The following FGGY variants were observed in gnomAD, a reference collection of about 807,000 sequenced individuals.
FGGY encodes FGGY carbohydrate kinase domain containing.
FGGY carries 72 observed loss-of-function variants against 71.3 expected under a neutral mutation model. The observed-to-expected ratio is 1.01, with a 90% CI of 0.84 to 1.23. FGGY has a LOEUF of 1.23. Among genes scored for constraint, FGGY ranks in the 50% most tolerant of loss-of-function variants. The pLI is 0.00. For synonymous variants in FGGY, 251 were observed against 250.3 expected (o/e 1.00, Z -0.02); for missense variants, 668 against 682.3 (o/e 0.98, Z 0.23).
At chr1:59,673,026 C>A (rs1357816614) in intron 13 of FGGY, among the ~76,000 whole-genome samples, 2 of 152,096 alleles carry the variant, frequency 1.3e-5, no homozygotes, top group Non-Finnish European at 2.9e-5. Flanking sequence ...TGACCGCTAC[C>A]CCAGAAATGT....
intron 5 of FGGY, among the ~76,000 whole-genome samples, chr1:59,447,378 G>T (rs552990605): frequency 6.6e-6 from 1 of 152,280 alleles, no homozygotes; most frequent in South Asian, 2.1e-4. Flanking sequence ...AGCAGCCAAA[G>T]CTCTGGGAGC....
At chr1:59,617,048 T>A (rs1373671034) in intron 9 of FGGY, among the ~76,000 whole-genome samples, 1 of 152,166 alleles carries the variant, frequency 6.6e-6, no homozygotes, top group East Asian at 1.9e-4. Flanking sequence ...AATACATCAT[T>A]GTCACATAGG....
intron 12 of FGGY, among the ~76,000 whole-genome samples, chr1:59,666,290 C>G (rs962171118): frequency 1.6e-4 from 24 of 152,206 alleles, no homozygotes; most frequent in Non-Finnish European, 2.9e-4. Context: ...AGACTTGCTA[C>G]CCACCAAAAA....
Position 59,403,334 on chromosome 1 carries a change from A to G in FGGY, c.554+24497A>G, listed in dbSNP as rs141594181. Among the ~76,000 whole-genome samples, 344 of 152,316 alleles carry G rather than the reference A, an allele frequency of 2.3e-3. 1 individual carries two copies. The highest frequency in any genetic ancestry group is 8.1e-3 in the African/African-American group (337 of 41,576). On this transcript the variant is annotated intron_variant, in intron 5 of 15. Coordinates refer to ENST00000303721, the MANE Select transcript of FGGY (RefSeq NM_018291.5). ...TCCAGTGTACAAATGTAGAGAACCC[A>G]TTCATTTCTTTACTCCTCACATATT...
In FGGY at chr1:59,667,395, A is replaced by T. The variant is rs1262878612; in HGVS notation, c.1409A>T (p.Asp470Val). The change falls in exon 13 of 16, where the codon GAC (aspartate) becomes GTC (valine). Residue 470 changes from aspartate (D) to valine (V), a missense_variant. Asp to Val is a radical substitution (Grantham distance 152). Transcript: ENST00000303721. The stretch of plus-strand genomic sequence containing the variant: ...CCCCTTTTTGTGCAAATGCATGCGG[A>T]CATTACTGGTAAGTCTGGGAAAGAG... ...KNPLFVQMHA[D>V]ITGMPVVLSQ... is the part of the protein sequence containing the mutation. 3 of 1,613,982 alleles carry T rather than the reference A, an allele frequency of 1.9e-6. No homozygotes were observed. Among genetic ancestry groups the T allele is most frequent in the Admixed American group, 3.3e-5 (2 of 60,006 alleles).
At chr1:59,649,225 C>G (rs1245857252) in intron 11 of FGGY, among the ~76,000 whole-genome samples, 3 of 147,312 alleles carry the variant, frequency 2.0e-5, no homozygotes, top group South Asian at 2.2e-4. Context: ...ATTGACTTGG[C>G]AATGCGGGCT....
intron 6 of FGGY, among the ~76,000 whole-genome samples, chr1:59,463,557 A>G (rs1303188629): frequency 3.9e-5 from 6 of 152,218 alleles, no homozygotes; most frequent in Non-Finnish European, 8.8e-5. Context: ...ATTAAAAGAC[A>G]CAGACTGGCA....
chr1:59,653,316 G>T (rs1011332425), intron 11 of FGGY, among the ~76,000 whole-genome samples: 1 of 152,238 alleles, frequency 6.6e-6, no homozygotes. Context: ...GTTTACCTAA[G>T]CAAGCCTGGG....
At chr1:59,653,210 G>A (rs2097182778) in intron 11 of FGGY, among the ~76,000 whole-genome samples, 1 of 152,238 alleles carries the variant, frequency 6.6e-6, no homozygotes, top group South Asian at 2.1e-4. Flanking sequence ...CTTTTTGTTT[G>A]TCTGTGCCCT....
At chr1:59,603,582 T>G (rs939450948) in intron 8 of FGGY, among the ~76,000 whole-genome samples, 1 of 152,118 alleles carries the variant, frequency 6.6e-6, no homozygotes, top group African/African-American at 2.4e-5. Flanking sequence ...CATTTTGGAG[T>G]TGAGGAAACT....
At chr1:59,428,515 A>G (rs932247089) in intron 5 of FGGY, among the ~76,000 whole-genome samples, 12 of 152,204 alleles carry the variant, frequency 7.9e-5, no homozygotes, top group African/African-American at 2.9e-4. Context: ...CAGAAATCAG[A>G]AAGGTGATTG....
intron 2 of FGGY, among the ~76,000 whole-genome samples, chr1:59,321,981 C>T (rs916516066): frequency 2.0e-5 from 3 of 152,096 alleles, no homozygotes; most frequent in Admixed American, 2.0e-4. Context: ...AAGAGCTAAC[C>T]GGAGGGGGCT....
intron 14 of FGGY, among the ~76,000 whole-genome samples, chr1:59,678,853 T>G (rs923793006): frequency 1.5e-4 from 23 of 152,170 alleles, no homozygotes; most frequent in African/African-American, 5.3e-4. Flanking sequence ...CAGCAGTCAT[T>G]TTAAGGGGAG....
At chr1:59,495,241 G>A (rs1170723572) in intron 6 of FGGY, among the ~76,000 whole-genome samples, 1 of 151,880 alleles carries the variant, frequency 6.6e-6, no homozygotes, top group Non-Finnish European at 1.5e-5. Context: ...ATCCTTTGTT[G>A]GATGCATAGT....
intron 7 of FGGY, among the ~76,000 whole-genome samples, chr1:59,553,270 A>C (rs1223766664): frequency 6.6e-6 from 1 of 152,212 alleles, no homozygotes; most frequent in East Asian, 1.9e-4. Flanking sequence ...GTAGTCCTGC[A>C]AGTCTGCGTG....
rs1309595147 is a variant in FGGY, at chr1:59,438,331, G to A, written c.555-18630G>A. ...TAAAATATTCTGGCTGCTTACTTGAGAGGTAAGTATCAGTTGGGAACTTAC... is the reference window on the plus strand; with the variant it reads ...TAAAATATTCTGGCTGCTTACTTGAAAGGTAAGTATCAGTTGGGAACTTAC... On this transcript the variant is annotated intron_variant, in intron 5 of 15. Transcript: ENST00000303721. Among the ~76,000 whole-genome samples, 11 of 152,182 alleles carry A rather than the reference G, an allele frequency of 7.2e-5. No homozygotes were observed. The East Asian group carries it at 2.1e-3, about 29-fold the overall frequency.
chr1:59,695,900 G>GT lies in FGGY; in HGVS notation c.1512+21777dup, dbSNP rs796086557. Reference sequence around the variant, plus strand: ...CCATTTGATGTAGAAAGTCCTGTGGGTTTTTTTTTTATATATTACTTGTCA... The same window carrying GT: ...CCATTTGATGTAGAAAGTCCTGTGGGTTTTTTTTTTTATATATTACTTGTCA... On this transcript the variant is annotated intron_variant, in intron 14 of 15. Transcript: ENST00000303721. Among the ~76,000 whole-genome samples the GT allele has an allele frequency of 9.0e-4, 134 of 148,698 alleles. 2 individuals are homozygous for GT. Among genetic ancestry groups the GT allele is most frequent in the Middle Eastern group, 3.4e-3 (1 of 290 alleles).
At chr1:59,402,087 C>A (rs758006297) in intron 5 of FGGY, among the ~76,000 whole-genome samples, 7 of 152,190 alleles carry the variant, frequency 4.6e-5, no homozygotes, top group Non-Finnish European at 1.0e-4. Flanking sequence ...TCACTTAGTG[C>A]AGGAAGTGGT....
chr1:59,481,333 G>T (rs1275360765), intron 6 of FGGY, among the ~76,000 whole-genome samples: 1 of 152,084 alleles, frequency 6.6e-6, no homozygotes, highest in Non-Finnish European at 1.5e-5. Flanking sequence ...AGATAACTGA[G>T]GCCCAGGAAT....
Sources: allele counts gnomAD v4.1 joint callset (sites outside exome capture counted in the v4.1 genomes callset), GRCh38; gene constraint gnomAD v4.1.1; transcripts MANE v1.5; gene names NCBI Gene and HGNC (gene_info 2026-07-23, HGNC 2026-07-21).